The following LMO7 variants were observed in gnomAD, a reference collection of about 807,000 sequenced individuals.
LMO7 encodes LIM domain only protein 7.
LMO7 carries 120 observed loss-of-function variants against 206.5 expected under a neutral mutation model. The ratio of observed to expected loss-of-function variants is 0.58; its 90% CI spans 0.50 to 0.68. The LOEUF (loss-of-function observed/expected upper bound fraction) is 0.68. LMO7 is among the 30% of genes least tolerant of loss of function. The pLI is 0.00. For missense variants in LMO7, 1,959 were observed against 1,957.9 expected (o/e 1.00, Z -0.01); for synonymous variants, 706 against 681.5 (o/e 1.04, Z -0.56).
intron 4 of LMO7, among the ~76,000 whole-genome samples, chr13:75,773,752 T>G (rs1373972118): frequency 6.6e-6 from 1 of 152,188 alleles, no homozygotes; most frequent in Non-Finnish European, 1.5e-5. Flanking sequence ...AATGGAAATA[T>G]AGGCATTGTC....
At chr13:75,688,170 TG>T (rs1206477627) in intron 1 of LMO7, among the ~76,000 whole-genome samples, 1 of 152,194 alleles carries the variant, frequency 6.6e-6, no homozygotes, top group Non-Finnish European at 1.5e-5. Flanking sequence ...GTCTTGGGTA[TG>T]TTTTTATTAG....
intron 7 of LMO7, among the ~76,000 whole-genome samples, chr13:75,802,815 G>A (rs527335923): frequency 6.6e-6 from 1 of 152,222 alleles, no homozygotes; most frequent in Non-Finnish European, 1.5e-5. Flanking sequence ...CTACTCTCTA[G>A]ATTGTAGTCC....
intron 4 of LMO7, among the ~76,000 whole-genome samples, chr13:75,772,590 A>G (rs1426977634): frequency 6.6e-6 from 1 of 152,050 alleles, no homozygotes; most frequent in East Asian, 1.9e-4. Context: ...GCAAATGGAA[A>G]CCCTCATATG....
chr13:75,708,522 G>T (rs541262538), intron 1 of LMO7, among the ~76,000 whole-genome samples: 1 of 152,308 alleles, frequency 6.6e-6, no homozygotes, highest in Non-Finnish European at 1.5e-5. Flanking sequence ...TAGAGAGAAT[G>T]GGCTTTAGCA....
At chr13:75,658,685 A>T (rs1281554941) in intron 1 of LMO7, among the ~76,000 whole-genome samples, 1 of 151,438 alleles carries the variant, frequency 6.6e-6, no homozygotes, top group Non-Finnish European at 1.5e-5. Flanking sequence ...CTGACCTCAC[A>T]CCATTCTCCT....
At chr13:75,772,680 C>A (rs1176546372) in intron 4 of LMO7, among the ~76,000 whole-genome samples, 1 of 151,808 alleles carries the variant, frequency 6.6e-6, no homozygotes, top group African/African-American at 2.4e-5. Context: ...TGAAGGAATT[C>A]TTTTTTTTAA....
At chr13:75,627,612 CA>C (rs2034374625) in intron 2 of LMO7, 1 of 152,070 alleles carries the variant, frequency 6.6e-6, no homozygotes, top group African/African-American at 2.4e-5. Flanking sequence ...CACACACACA[CA>C]CAAATAAATG....
At chr13:75,670,809 A>G (rs1251223109) in intron 1 of LMO7, among the ~76,000 whole-genome samples, 1 of 152,162 alleles carries the variant, frequency 6.6e-6, no homozygotes, top group Non-Finnish European at 1.5e-5. Flanking sequence ...TTGTTGCTTC[A>G]ATAAACTTGG....
At chr13:75,840,634 T>A in intron 22 of LMO7, 139 bp downstream of exon 22, 3 of 1,020,954 alleles carry the variant, frequency 2.9e-6, no homozygotes, top group Non-Finnish European at 4.3e-6. Flanking sequence ...CAGTACATTT[T>A]CCATAAAACA....
At chr13:75,801,363 A>G (rs2054710657) in intron 7 of LMO7, among the ~76,000 whole-genome samples, 1 of 152,236 alleles carries the variant, frequency 6.6e-6, no homozygotes. Context: ...AGATGAGAAG[A>G]AATGATTGCT....
intron 1 of LMO7, among the ~76,000 whole-genome samples, chr13:75,681,678 G>A (rs2040492807): frequency 7.6e-6 from 1 of 131,324 alleles, no homozygotes; most frequent in South Asian, 2.5e-4. Context: ...TGTCTTTTGG[G>A]GAATGTCATG....
intron 3 of LMO7, among the ~76,000 whole-genome samples, chr13:75,731,511 G>C (rs149750424): frequency 6.6e-6 from 1 of 151,852 alleles, no homozygotes; most frequent in Non-Finnish European, 1.5e-5. Context: ...TTTATTTTGA[G>C]CCTATGTGTG....
intron 3 of LMO7, among the ~76,000 whole-genome samples, chr13:75,732,685 G>T (rs2045370953): frequency 6.6e-6 from 1 of 152,196 alleles, no homozygotes; most frequent in Non-Finnish European, 1.5e-5. Context: ...CGTTTCTTTG[G>T]AGGAGGAGAG....
intron 3 of LMO7, among the ~76,000 whole-genome samples, chr13:75,752,462 G>A (rs1378646540): frequency 1.3e-5 from 2 of 152,076 alleles, no homozygotes; most frequent in Non-Finnish European, 2.9e-5. Context: ...TTATATTCAT[G>A]GGGCACAAGT....
At chr13:75,647,897 G>A (rs2037175955) in intron 1 of LMO7, among the ~76,000 whole-genome samples, 1 of 150,702 alleles carries the variant, frequency 6.6e-6, no homozygotes, top group Non-Finnish European at 1.5e-5. Flanking sequence ...AAGGGAAGCT[G>A]AAGCTCCTGA....
chr13:75,763,781 G>A (rs560317532), intron 4 of LMO7, among the ~76,000 whole-genome samples: 2 of 152,140 alleles, frequency 1.3e-5, no homozygotes, highest in Non-Finnish European at 2.9e-5. Context: ...TTAGTGGGCA[G>A]TGGTGATAGT....
At chr13:75,682,815 A>G (rs967339942) in intron 1 of LMO7, among the ~76,000 whole-genome samples, 1 of 152,206 alleles carries the variant, frequency 6.6e-6, no homozygotes, top group Non-Finnish European at 1.5e-5. Flanking sequence ...CTACAATAAG[A>G]GCCTAATAAA....
At chr13:75,713,092 A>G (rs2043251003) in intron 1 of LMO7, 90 bp from the exon 2 acceptor site, 1 of 834,142 alleles carries the variant, frequency 1.2e-6, no homozygotes, top group Non-Finnish European at 1.9e-6. Flanking sequence ...CAAGTATAAC[A>G]TTAAATGCAT....
chr13:75,699,414 T>TG (rs111604400), intron 1 of LMO7, among the ~76,000 whole-genome samples: 2,469 of 150,788 alleles, frequency 0.016, 60 homozygotes, highest in African/African-American at 0.055. Context: ...ATTTTTTTTT[T>TG]TTTTTTTTAC....
Sources: allele counts gnomAD v4.1 joint callset (sites outside exome capture counted in the v4.1 genomes callset), GRCh38; gene constraint gnomAD v4.1.1; transcripts MANE v1.5; gene names NCBI Gene and HGNC (gene_info 2026-07-23, HGNC 2026-07-21).